The following AGK variants were observed in gnomAD, a reference collection of about 807,000 sequenced individuals.
The protein encoded by AGK is acylglycerol kinase.
A neutral mutation model predicts 66.4 loss-of-function variants in AGK; 52 were observed. That is an observed-to-expected ratio of 0.78 (90% CI 0.63 to 0.99). AGK has a LOEUF of 0.99. Ranked by LOEUF, AGK falls within the 50% of genes least tolerant of loss-of-function variation. The probability of loss-of-function intolerance (pLI) is 0.00; values close to 1 mark genes in which losing one functional copy is unlikely to be tolerated. For missense variants in AGK, 451 were observed against 506.6 expected (o/e 0.89, Z 1.05); for synonymous variants, 182 against 181.1 (o/e 1.00, Z -0.04).
chr7:141,637,863 G>A (rs1797207286), intron 11 of AGK, among the ~76,000 whole-genome samples: 1 of 152,116 alleles, frequency 6.6e-6, no homozygotes, highest in Non-Finnish European at 1.5e-5. Flanking sequence ...AAAATTAAAT[G>A]TAAAACCCTA....
chr7:141,628,117 T>G (rs1796977084), intron 9 of AGK, among the ~76,000 whole-genome samples: 1 of 152,190 alleles, frequency 6.6e-6, no homozygotes, highest in African/African-American at 2.4e-5. Flanking sequence ...CTTGGCCTCC[T>G]GATACACCCA....
intron 9 of AGK, among the ~76,000 whole-genome samples, chr7:141,632,637 G>A (rs1337536193): frequency 6.6e-6 from 1 of 152,166 alleles, no homozygotes; most frequent in African/African-American, 2.4e-5. Flanking sequence ...TCAAAGCCCT[G>A]TTATCTTACA....
chr7:141,562,781 G>A (rs1042466546), intron 2 of AGK, among the ~76,000 whole-genome samples: 5 of 152,182 alleles, frequency 3.3e-5, no homozygotes, highest in African/African-American at 4.8e-5. Context: ...AAGCTTCCCC[G>A]CTGAGAAAGC....
chr7:141,578,182 G>A (rs957087506), intron 2 of AGK, among the ~76,000 whole-genome samples: 4 of 151,900 alleles, frequency 2.6e-5, no homozygotes, highest in Admixed American at 6.6e-5. Context: ...GAGAGTCAGC[G>A]AAGGGAGATG....
At chr7:141,650,258 A>G (rs571326644) in intron 14 of AGK, among the ~76,000 whole-genome samples, 205 of 152,388 alleles carry the variant, frequency 1.3e-3, no homozygotes, top group Non-Finnish European at 2.1e-3. Flanking sequence ...TGCTGTATCT[A>G]TAAGAAGGGA....
At chr7:141,652,638 A>AG in intron 15 of AGK, 149 bp from the exon 16 acceptor site, 1 of 753,366 alleles carries the variant, frequency 1.3e-6, no homozygotes, top group South Asian at 2.1e-5. Context: ...GTAGGCACTG[A>AG]ATTTTTTTTT....
At position 141,611,175 on chromosome 7, in the gene AGK, A is replaced by G; in HGVS notation, c.298-20A>G. The G allele has an allele frequency of 6.4e-7, 1 of 1,560,956 alleles. No individual in the cohort carries two copies. Among genetic ancestry groups the G allele is most frequent in the South Asian group, 1.1e-5 (1 of 88,812 alleles). On this transcript the variant is annotated intron_variant, in intron 5 of 15. Coordinates refer to ENST00000649286, the MANE Select transcript of AGK (RefSeq NM_018238.4). ...GGCTCTAGGTTGATAAACTCACCAA[A>G]GGCTTCCTTGGTATTTCAGACAGAT...
At chr7:141,556,270 G>T (rs2116846110) in intron 2 of AGK, among the ~76,000 whole-genome samples, 1 of 152,026 alleles carries the variant, frequency 6.6e-6, no homozygotes, top group East Asian at 1.9e-4. Context: ...GAGGCGGTGG[G>T]GCGCAGTGGC....
intron 8 of AGK, 163 bp downstream of exon 8, chr7:141,615,728 C>T: frequency 3.2e-6 from 2 of 625,502 alleles, no homozygotes; most frequent in East Asian, 2.8e-5. Flanking sequence ...ATTGGGAAGT[C>T]TCCCAACTTG....
chr7:141,650,534 G>A (rs901858544), intron 14 of AGK: 30 of 985,378 alleles, frequency 3.0e-5, no homozygotes, highest in East Asian at 1.1e-4. Context: ...GTGAAGCTGC[G>A]TTAGAAAACT....
intron 5 of AGK, among the ~76,000 whole-genome samples, chr7:141,608,650 A>C (rs1796513200): frequency 1.3e-5 from 2 of 152,244 alleles, no homozygotes; most frequent in Non-Finnish European, 2.9e-5. Context: ...GAAATGTCCT[A>C]GGAATCTTCC....
At chr7:141,572,804 G>A (rs761245669) in intron 2 of AGK, among the ~76,000 whole-genome samples, 6 of 138,470 alleles carry the variant, frequency 4.3e-5, no homozygotes, top group African/African-American at 1.7e-4. Context: ...GACAGGCTAT[G>A]GGGGGGGGAA....
intron 5 of AGK, among the ~76,000 whole-genome samples, chr7:141,604,905 T>C (rs1483108606): frequency 6.6e-6 from 1 of 152,120 alleles, no homozygotes; most frequent in Admixed American, 6.5e-5. Flanking sequence ...GCATCCAATC[T>C]GGGATCACAT....
chr7:141,636,619 G>T (rs908390402), intron 10 of AGK, among the ~76,000 whole-genome samples: 7 of 152,096 alleles, frequency 4.6e-5, no homozygotes, highest in Middle Eastern at 3.2e-3. Flanking sequence ...TGCAGACTTT[G>T]GACTGAGGGA....
intron 14 of AGK, among the ~76,000 whole-genome samples, chr7:141,649,989 G>C (rs985629814): frequency 6.6e-6 from 1 of 152,188 alleles, no homozygotes; most frequent in African/African-American, 2.4e-5. Flanking sequence ...TATTGGTAAA[G>C]AACACTATAA....
At chr7:141,616,979 G>C (rs934362170) in intron 8 of AGK, among the ~76,000 whole-genome samples, 5 of 151,796 alleles carry the variant, frequency 3.3e-5, no homozygotes, top group African/African-American at 1.2e-4. Context: ...GGATGGTCTC[G>C]ATCTCCTGAC....
At chr7:141,558,993 G>T (rs1795278628) in intron 2 of AGK, among the ~76,000 whole-genome samples, 1 of 152,132 alleles carries the variant, frequency 6.6e-6, no homozygotes, top group South Asian at 2.1e-4. Flanking sequence ...GCCTGTAGGA[G>T]TTCTTTATGG....
At chr7:141,627,573 C>T (rs971630011) in intron 9 of AGK, among the ~76,000 whole-genome samples, 11 of 152,226 alleles carry the variant, frequency 7.2e-5, no homozygotes, top group Admixed American at 5.2e-4. Flanking sequence ...ATTTTCTTCT[C>T]GTGCACTGAT....
In AGK at chr7:141,621,554, A is replaced by G. The variant is rs148583259; in HGVS notation, c.519-178A>G. ...CTTTCTCTTTGAGTCCCTATAAACTACTAGTACTTTGGCAGGAGGGAGGGA... is the reference window on the plus strand; with the variant it reads ...CTTTCTCTTTGAGTCCCTATAAACTGCTAGTACTTTGGCAGGAGGGAGGGA... On this transcript the variant is annotated intron_variant, in intron 8 of 15. Coordinates refer to ENST00000649286, the MANE Select transcript of AGK (RefSeq NM_018238.4). Among the ~76,000 whole-genome samples the G allele has an allele frequency of 7.4e-4, 113 of 151,966 alleles. No homozygotes were observed. The East Asian group carries it at 0.018, about 24-fold the overall frequency.
Sources: gnomAD v4.1 joint callset for allele counts (sites outside exome capture counted in the v4.1 genomes callset) on GRCh38, gnomAD v4.1.1 for gene constraint, MANE v1.5 for transcripts, NCBI Gene and HGNC (gene_info 2026-07-23, HGNC 2026-07-21) for gene names.